Variants in PTCH1 observed in about 807,000 individuals in gnomAD.
The protein encoded by PTCH1 is patched 1.
A neutral mutation model predicts 144.6 loss-of-function variants in PTCH1; 14 were observed. That is an observed-to-expected ratio of 0.10 (90% confidence interval 0.06 to 0.15). The LOEUF (loss-of-function observed/expected upper bound fraction) is 0.15, where lower values mean the gene tolerates loss of function less well. PTCH1 is among the 10% of genes least tolerant of loss of function. The pLI is 1.00. For missense variants in PTCH1, 1,623 were observed against 1,948.3 expected, an observed-to-expected ratio of 0.83 and a Z score of 3.14; for synonymous variants, 833 against 793.6, an observed-to-expected ratio of 1.05 and a Z score of -0.83.
chr9:95,507,144 G>T (rs1470337353), intron 1 of PTCH1: 50 of 985,498 alleles, frequency 5.1e-5, no homozygotes, highest in Non-Finnish European at 5.8e-5. Flanking sequence ...CGCGGCCGCC[G>T]GAGTTCACTC....
At chr9:95,506,165 C>G (rs923431942) in intron 2 of PTCH1, 5 of 344,482 alleles carry the variant, frequency 1.5e-5, no homozygotes, top group African/African-American at 4.4e-5. Flanking sequence ...GCCCCCGTCC[C>G]GCCCCCGCCG....
At position 95,443,104 on chromosome 9, in the gene PTCH1, T is replaced by C. The variant is rs1837611399; in HGVS notation, c.*3289A>G. 6.6e-6 allele frequency: 1 copy of C among 152,196 alleles called. No individual in the cohort carries two copies. Among genetic ancestry groups the C allele is most frequent in the Non-Finnish European group, 1.5e-5 (1 of 68,036 alleles). The allele number at this position is 152,196 out of a possible 1,614,324, so 9.4% of individuals were successfully genotyped here. A position where few individuals can be genotyped will look rare whatever the true frequency, so the allele number is the denominator to read the frequency against. ...GGTTAACTTAGGAAGTTTCTTGGTA[T>C]GAGAAAACAAAAATAGGGTCAGGTG... On this transcript the variant is annotated 3_prime_UTR_variant, in exon 24 of 24. Coordinates refer to ENST00000331920, the MANE Select transcript of PTCH1 (RefSeq NM_000264.5).
chr9:95,509,897 C>T (rs1276607052), upstream of PTCH1, among the ~76,000 whole-genome samples: 1 of 151,768 alleles, frequency 6.6e-6, no homozygotes, highest in Non-Finnish European at 1.5e-5. Context: ...CAACGCCTCG[C>T]ATTAAGATAA....
In PTCH1 at chr9:95,469,095, T is replaced by C. The variant is rs1390308281; in HGVS notation, c.1906A>G (p.Asn636Asp). 2.5e-6 allele frequency: 4 copies of C among 1,614,014 alleles called. No homozygotes were observed. The highest frequency in any genetic ancestry group is 1.6e-4 in the Middle Eastern group (1 of 6,062). ...EPQAYTDTHDNTRYSPPPPYS... is the reference protein window; with the variant it reads ...EPQAYTDTHDDTRYSPPPPYS... ...GGAGGTGGGGGGCTGTAGCGGGTAT[T>C]GTCGTGTGTGTCGGTGTAGGCCTGA... The change falls in exon 14 of 24, where the codon AAT (asparagine) becomes GAT (aspartate). Residue 636 changes from asparagine (N) to aspartate (D), a missense_variant. Asn to Asp is a conservative substitution (Grantham distance 23). Coordinates refer to ENST00000331920, the MANE Select transcript of PTCH1 (RefSeq NM_000264.5).
chr9:95,507,522 TC>T (rs1257012149), intron 1 of PTCH1: 2 of 851,464 alleles, frequency 2.3e-6, no homozygotes, highest in Admixed American at 6.2e-5. Flanking sequence ...CAACTTTTCC[TC>T]CCCCGACCAG....
chr9:95,479,910 G>A (rs1841390276), intron 7 of PTCH1, 59 bp downstream of exon 7: 8 of 1,612,966 alleles, frequency 5.0e-6, no homozygotes, highest in Middle Eastern at 1.6e-4. Flanking sequence ...GGAGGGAAGT[G>A]GCTTTTGAGG....
At chr9:95,456,214 A>C in intron 19 of PTCH1, 62 bp downstream of exon 19, 1 of 1,604,456 alleles carries the variant, frequency 6.2e-7, no homozygotes, top group African/African-American at 1.3e-5. Context: ...CTTGGAGACA[A>C]ACAGAGCCAG....
chr9:95,452,328 G>GACACAC (rs59002919), intron 20 of PTCH1: 2,856 of 147,752 alleles, frequency 0.019, 77 homozygotes, highest in African/African-American at 0.063. Context: ...CTCTCTCTCT[G>GACACAC]ACACACACAC....
chr9:95,463,056 T>C (rs970967776), intron 15 of PTCH1, among the ~76,000 whole-genome samples: 1 of 128,802 alleles, frequency 7.8e-6, no homozygotes. Context: ...CCCCAGCAGC[T>C]CAGGAAACCA....
rs1235096227 is a variant in PTCH1, at chr9:95,446,139, G to C, written c.*254C>G. On this transcript the variant is annotated 3_prime_UTR_variant, in exon 24 of 24. Coordinates refer to ENST00000331920, the MANE Select transcript of PTCH1 (RefSeq NM_000264.5). ...GCCCCACTGTGGCCTCCACACTCTG[G>C]GGCAGGAGTGGAGAAGCCCCAGATC... 3.3e-6 allele frequency: 1 copy of C among 299,286 alleles called. No homozygotes were observed. The highest frequency in any genetic ancestry group is 6.7e-6 in the Non-Finnish European group (1 of 148,928). 18.5% of individuals were successfully genotyped at this position (299,286 alleles called of 1,614,324 possible). A position where few individuals can be genotyped will look rare whatever the true frequency, so the allele number is the denominator to read the frequency against.
intron 2 of PTCH1, among the ~76,000 whole-genome samples, chr9:95,501,423 C>T (rs1843142447): frequency 6.6e-6 from 1 of 152,046 alleles, no homozygotes; most frequent in Non-Finnish European, 1.5e-5. Context: ...TTATCTCCTA[C>T]AACTGATTGC....
intron 2 of PTCH1, 69 bp from the exon 3 acceptor site, chr9:95,485,943 G>T: frequency 6.5e-7 from 1 of 1,540,272 alleles, no homozygotes; most frequent in Non-Finnish European, 9.0e-7. Flanking sequence ...TCTGTTATCT[G>T]ACTACCTGCC....
In PTCH1 at chr9:95,449,381, T is replaced by C; in HGVS notation, c.3550-58A>G. ...TTGTCCATTTACCTGCTGGCCACAC[T>C]CAAAGCTCAAAGCACGGTATTTTTC... is the stretch of plus-strand genomic sequence containing the variant. On this transcript the variant is annotated intron_variant, in intron 21 of 23. Coordinates refer to ENST00000331920, the MANE Select transcript of PTCH1 (RefSeq NM_000264.5). This position sits in a 1 kb window ranked among gnomAD's most constrained non-coding sequence, Gnocchi z 5.3. 1 of 1,535,182 alleles carries C rather than the reference T, an allele frequency of 6.5e-7. No homozygotes were observed. Among genetic ancestry groups the C allele is most frequent in the Non-Finnish European group, 8.7e-7 (1 of 1,144,882 alleles).
At chr9:95,487,750 C>A (rs1300705942) in intron 2 of PTCH1, among the ~76,000 whole-genome samples, 1 of 152,196 alleles carries the variant, frequency 6.6e-6, no homozygotes, top group East Asian at 1.9e-4. Context: ...ACTGCCTCCT[C>A]GAACATCAGC....
rs2118052149 is a variant in PTCH1 at position 95,469,060 on chromosome 9, G to A, written c.1941C>T (p.Ser647=). 6.2e-7 allele frequency: 1 copy of A among 1,614,090 alleles called. No individual in the cohort carries two copies. The highest frequency in any genetic ancestry group is 1.1e-5 in the South Asian group (1 of 91,066). Residue 647 remains serine (S), a synonymous_variant, in exon 14 of 24, where the codon AGC becomes AGT. Transcript: ENST00000331920. ...TCTGCGTTTCATGGGCAAAGCTGTGGCTGCTGTAGGGAGGTGGGGGGCTGT... is the reference window on the plus strand; with the variant it reads ...TCTGCGTTTCATGGGCAAAGCTGTGACTGCTGTAGGGAGGTGGGGGGCTGT... ...TRYSPPPPYS[S]HSFAHETQIT... is the part of the protein sequence containing the mutation.
chr9:95,503,169 T>G (rs1843274185), intron 2 of PTCH1: 1 of 152,216 alleles, frequency 6.6e-6, no homozygotes, highest in Non-Finnish European at 1.5e-5. Flanking sequence ...CATATAAAAA[T>G]TCATGTCTAG....
At chr9:95,501,129 A>G (rs1301906650) in intron 2 of PTCH1, among the ~76,000 whole-genome samples, 1 of 152,244 alleles carries the variant, frequency 6.6e-6, no homozygotes, top group African/African-American at 2.4e-5. Flanking sequence ...TCTGCACAGC[A>G]TGAGTCTTCC....
Position 95,478,068 on chromosome 9 carries a change from C to G in PTCH1, c.1334G>C (p.Gly445Ala), listed in dbSNP as rs2118329688. 2 of 1,614,190 alleles carry G rather than the reference C, an allele frequency of 1.2e-6. No homozygotes were observed. The highest frequency in any genetic ancestry group is 1.1e-5 in the South Asian group (1 of 91,080). Residue 445 changes from glycine to alanine, a missense_variant, in exon 9 of 24, where the codon GGC becomes GCC. Physicochemically the swap from Gly to Ala is moderately conservative, Grantham distance 60. Coordinates refer to ENST00000331920, the MANE Select transcript of PTCH1 (RefSeq NM_000264.5). ...SDVSVIRVASGYLLMLAYACL... is the reference protein window; with the variant it reads ...SDVSVIRVASAYLLMLAYACL... The stretch of plus-strand genomic sequence containing the variant: ...ATCGAGCGTTACCATGAGTAAGTAG[C>G]CGCTGGCCACGCGGATGACACTGAC...
At chr9:95,477,820 C>A in intron 9 of PTCH1, 118 bp from the exon 10 acceptor site, 7 of 1,487,700 alleles carry the variant, frequency 4.7e-6, no homozygotes, top group Non-Finnish European at 6.4e-6. Context: ...CCAACAACAA[C>A]AAAACTTTAC....
Sources: gnomAD v4.1 joint callset for allele counts (sites outside exome capture counted in the v4.1 genomes callset) on GRCh38, gnomAD v4.1.1 for gene constraint, Gnocchi (gnomAD v3.1) non-coding constraint, MANE v1.5 for transcripts, NCBI Gene and HGNC (gene_info 2026-07-23, HGNC 2026-07-21) for gene names.